Variants in TRDN observed in about 807,000 individuals in gnomAD.
The protein encoded by TRDN is triadin in skeletal muscle.
Under a neutral mutation model 149.7 loss-of-function variants are expected in TRDN, and 161 were observed. The ratio of observed to expected loss-of-function variants is 1.08; its 90% CI spans 0.95 to 1.23. The LOEUF is 1.23. Among genes scored for constraint, TRDN ranks in the 50% most tolerant of loss-of-function variants. The pLI is 0.00. For synonymous variants in TRDN, 294 were observed against 250.5 expected (o/e 1.17, Z -1.64); for missense variants, 896 against 823.5 (o/e 1.09, Z -1.08).
chr6:123,551,356 C>T (rs1781380875), intron 2 of TRDN, among the ~76,000 whole-genome samples: 1 of 150,368 alleles, frequency 6.7e-6, no homozygotes, highest in African/African-American at 2.5e-5. Flanking sequence ...CACACACACA[C>T]ACACACACAC....
At chr6:123,385,255 G>A (rs1781863142) in intron 14 of TRDN, among the ~76,000 whole-genome samples, 2 of 151,744 alleles carry the variant, frequency 1.3e-5, no homozygotes, top group South Asian at 2.1e-4. Flanking sequence ...GTGAAACCCC[G>A]TCTCTACTAA....
At chr6:123,472,389 C>T (rs1251554305) in intron 9 of TRDN, among the ~76,000 whole-genome samples, 2 of 152,312 alleles carry the variant, frequency 1.3e-5, no homozygotes, top group African/African-American at 2.4e-5. Flanking sequence ...TAAAAAACGG[C>T]GCACCACAAG....
At chr6:123,429,522 AC>A in intron 12 of TRDN, among the ~76,000 whole-genome samples, 1 of 152,296 alleles carries the variant, frequency 6.6e-6, no homozygotes, top group South Asian at 2.1e-4. Flanking sequence ...ATATATAACG[AC>A]AAAATTTGCC....
chr6:123,404,478 A>G (rs1217012198), intron 12 of TRDN, among the ~76,000 whole-genome samples: 4 of 151,964 alleles, frequency 2.6e-5, no homozygotes, highest in African/African-American at 7.3e-5. Context: ...TGTTTTGAGA[A>G]GTTTCTGTCA....
At chr6:123,300,222 A>G (rs1410362815) in intron 24 of TRDN, among the ~76,000 whole-genome samples, 1 of 151,938 alleles carries the variant, frequency 6.6e-6, no homozygotes, top group South Asian at 2.1e-4. Flanking sequence ...TCAGTAATTT[A>G]TTTTTTAAAA....
chr6:123,631,425 G>T (rs949043519), intron 1 of TRDN, among the ~76,000 whole-genome samples: 1 of 151,842 alleles, frequency 6.6e-6, no homozygotes, highest in Admixed American at 6.6e-5. Flanking sequence ...TCTAATTAAT[G>T]TTACCAATAA....
At chr6:123,573,342 A>T (rs578210903) in intron 1 of TRDN, among the ~76,000 whole-genome samples, 2 of 152,076 alleles carry the variant, frequency 1.3e-5, no homozygotes, top group African/African-American at 2.4e-5. Flanking sequence ...TTAATAAATG[A>T]CAATACAACA....
intron 38 of TRDN, among the ~76,000 whole-genome samples, chr6:123,231,935 A>C (rs541393876): frequency 6.6e-6 from 1 of 152,176 alleles, no homozygotes; most frequent in South Asian, 2.1e-4. Flanking sequence ...GGGTAGAAGG[A>C]TAAGGGCAAG....
At chr6:123,344,718 C>T (rs77335076) in intron 21 of TRDN, among the ~76,000 whole-genome samples, 8,274 of 151,936 alleles carry the variant, frequency 0.054, 742 homozygotes, top group African/African-American at 0.19. Flanking sequence ...TTAGGAAATA[C>T]GAATAAAGCT....
chr6:123,414,036 T>C (rs1268063145), intron 12 of TRDN, among the ~76,000 whole-genome samples: 1 of 152,104 alleles, frequency 6.6e-6, no homozygotes, highest in Non-Finnish European at 1.5e-5. Flanking sequence ...AGAAGGCACC[T>C]TTTCAAATGC....
chr6:123,287,767 T>C (rs981265508), intron 24 of TRDN, among the ~76,000 whole-genome samples: 16 of 152,086 alleles, frequency 1.1e-4, no homozygotes, highest in African/African-American at 3.4e-4. Context: ...ATCAAATTTA[T>C]ATAAGAAAAA....
At chr6:123,344,790 T>C (rs1310944368) in intron 21 of TRDN, among the ~76,000 whole-genome samples, 1 of 152,020 alleles carries the variant, frequency 6.6e-6, no homozygotes, top group Non-Finnish European at 1.5e-5. Context: ...TTTGGATAAA[T>C]ACCAAGGAGC....
intron 24 of TRDN, 133 bp from the exon 25 acceptor site, chr6:123,279,215 A>C (rs1400762624): frequency 7.3e-6 from 5 of 688,208 alleles, no homozygotes; most frequent in Admixed American, 6.9e-5. Context: ...TTTTTGTTGA[A>C]ATTCTATAGA....
At chr6:123,512,229 C>T (rs1779218468) in intron 7 of TRDN, 74 bp downstream of exon 7, 1 of 853,356 alleles carries the variant, frequency 1.2e-6, no homozygotes, top group African/African-American at 1.7e-5. Context: ...AAATATCCAA[C>T]TATCTGTTAC....
At chr6:123,446,210 G>A (rs892642381) in intron 10 of TRDN, among the ~76,000 whole-genome samples, 1 of 150,168 alleles carries the variant, frequency 6.7e-6, no homozygotes, top group Non-Finnish European at 1.5e-5. Flanking sequence ...CACAGGAAGG[G>A]GAATATCACA....
At chr6:123,497,061 G>T in intron 9 of TRDN, 132 bp downstream of exon 9, 1 of 576,254 alleles carries the variant, frequency 1.7e-6, no homozygotes, top group Non-Finnish European at 2.8e-6. Context: ...GCTTTTTATT[G>T]GTTTTATTCT....
At chr6:123,636,020 C>T (rs145859587) in intron 1 of TRDN, among the ~76,000 whole-genome samples, 2 of 151,790 alleles carry the variant, frequency 1.3e-5, no homozygotes, top group East Asian at 3.9e-4. Flanking sequence ...TTTATTGTAA[C>T]ATAAAGATAG....
At chr6:123,548,713 A>T (rs1781242682) in intron 2 of TRDN, 101 bp from the exon 3 acceptor site, 3 of 1,038,472 alleles carry the variant, frequency 2.9e-6, no homozygotes, top group Admixed American at 4.1e-5. Context: ...GACAAAAAGA[A>T]TATGTCAATT....
intron 9 of TRDN, among the ~76,000 whole-genome samples, chr6:123,481,171 C>A (rs1340909225): frequency 2.0e-5 from 3 of 152,070 alleles, no homozygotes; most frequent in Non-Finnish European, 4.4e-5. Context: ...ACTCTCTCAA[C>A]AATTTTGGTG....
Sources: allele counts gnomAD v4.1 joint callset (sites outside exome capture counted in the v4.1 genomes callset), GRCh38; gene constraint gnomAD v4.1.1; transcripts MANE v1.5; gene names NCBI Gene and HGNC (gene_info 2026-07-23, HGNC 2026-07-21).